The following B3GALT1 variants were observed in gnomAD, a reference collection of about 807,000 sequenced individuals.
The protein encoded by B3GALT1 is beta-1,3-galactosyltransferase 1, also known as UDP-Gal:betaGlcNAc beta 1,3-galactosyltransferase, polypeptide 1.
Under a neutral mutation model 23.2 loss-of-function variants are expected in B3GALT1, and 10 were observed. The observed-to-expected ratio is 0.43, with a 90% CI of 0.27 to 0.73. The LOEUF (loss-of-function observed/expected upper bound fraction) is 0.73, where lower values mean the gene tolerates loss of function less well. Ranked by LOEUF, B3GALT1 falls within the 30% of genes least tolerant of loss-of-function variation. The probability of loss-of-function intolerance (pLI) is 0.21; values close to 1 mark genes in which losing one functional copy is unlikely to be tolerated. For synonymous variants in B3GALT1, 156 were observed against 141.5 expected (o/e 1.10, Z -0.73); for missense variants, 299 against 405.4 (o/e 0.74, Z 2.25).
In B3GALT1 at chr2:167,718,634, C is replaced by A. The variant is rs149374571; in HGVS notation, c.-352+71668C>A. On this transcript the variant is annotated intron_variant, in intron 3 of 4. Coordinates refer to ENST00000392690, the MANE Select transcript of B3GALT1 (RefSeq NM_020981.4). ...TTATTATGTTTTATGTGACACAAGG[C>A]CTTCAAAATTGAAGACCCAAGAAAC... is the stretch of plus-strand genomic sequence containing the variant. Among the ~76,000 whole-genome samples the A allele has an allele frequency of 2.0e-3, 300 of 152,244 alleles. 2 individuals carry two copies. The highest frequency in any genetic ancestry group is 0.012 in the South Asian group (59 of 4,822).
chr2:167,500,947 G>A (rs1256815104), intron 2 of B3GALT1, among the ~76,000 whole-genome samples: 1 of 152,116 alleles, frequency 6.6e-6, no homozygotes, highest in Non-Finnish European at 1.5e-5. Context: ...CTGGGATAGT[G>A]AGACCATTAA....
chr2:167,533,335 G>T (rs1287787352), intron 2 of B3GALT1, among the ~76,000 whole-genome samples: 2 of 122,944 alleles, frequency 1.6e-5, no homozygotes, highest in African/African-American at 3.4e-5. Flanking sequence ...CTAGTTTTCT[G>T]AGAGTTTTTT....
intron 2 of B3GALT1, among the ~76,000 whole-genome samples, chr2:167,552,651 A>G (rs1368759082): frequency 6.6e-6 from 1 of 152,176 alleles, no homozygotes; most frequent in Non-Finnish European, 1.5e-5. Flanking sequence ...GTCTAACTGT[A>G]ATCAAAAAAA....
intron 3 of B3GALT1, among the ~76,000 whole-genome samples, chr2:167,811,295 C>A (rs1365833338): frequency 2.6e-5 from 4 of 152,176 alleles, no homozygotes; most frequent in Non-Finnish European, 5.9e-5. Context: ...TGAGTTCTAA[C>A]CATTTCTCTT....
At chr2:167,832,258 T>C (rs1381150944) in intron 4 of B3GALT1, among the ~76,000 whole-genome samples, 7 of 152,224 alleles carry the variant, frequency 4.6e-5, no homozygotes, top group Non-Finnish European at 7.3e-5. Flanking sequence ...CAGGCTTCAG[T>C]TTCATTATTT....
At chr2:167,740,398 A>G (rs1687561285) in intron 3 of B3GALT1, among the ~76,000 whole-genome samples, 1 of 152,136 alleles carries the variant, frequency 6.6e-6, no homozygotes, top group African/African-American at 2.4e-5. Flanking sequence ...CATCAGTGAA[A>G]CCACCTTTAA....
chr2:167,837,462 C>A (rs1286718346), intron 4 of B3GALT1, among the ~76,000 whole-genome samples: 14 of 149,946 alleles, frequency 9.3e-5, no homozygotes, highest in Non-Finnish European at 1.6e-4. Context: ...GGATCAATTC[C>A]ACAAGAAGAG....
chr2:167,681,470 C>G (rs929415952), intron 3 of B3GALT1, among the ~76,000 whole-genome samples: 2 of 152,148 alleles, frequency 1.3e-5, no homozygotes, highest in Non-Finnish European at 2.9e-5. Context: ...CAGGGAATCT[C>G]AGACTCAAAC....
At chr2:167,500,570 G>A (rs1699836294) in intron 2 of B3GALT1, among the ~76,000 whole-genome samples, 1 of 150,920 alleles carries the variant, frequency 6.6e-6, no homozygotes, top group Admixed American at 6.6e-5. Context: ...CTTCCCTAGA[G>A]TAACCGCAGA....
chr2:167,491,684 G>A (rs538956730), intron 2 of B3GALT1, among the ~76,000 whole-genome samples: 34 of 151,868 alleles, frequency 2.2e-4, no homozygotes, highest in African/African-American at 7.2e-4. Flanking sequence ...GCGTGGTGGC[G>A]GGTGTCTGTG....
At chr2:167,810,362 C>T (rs1416576011) in intron 3 of B3GALT1, among the ~76,000 whole-genome samples, 1 of 150,882 alleles carries the variant, frequency 6.6e-6, no homozygotes, top group East Asian at 1.9e-4. Context: ...CACCCGTCTT[C>T]TCTGTGGCTC....
chr2:167,366,028 G>A (rs1338298381), intron 1 of B3GALT1, among the ~76,000 whole-genome samples: 1 of 152,186 alleles, frequency 6.6e-6, no homozygotes, highest in Non-Finnish European at 1.5e-5. Flanking sequence ...AGAATTGCTT[G>A]CAGAGAACAG....
chr2:167,647,749 A>G (rs1363785518), intron 3 of B3GALT1, among the ~76,000 whole-genome samples: 1 of 152,012 alleles, frequency 6.6e-6, no homozygotes, highest in East Asian at 1.9e-4. Context: ...ATTTTTTTAT[A>G]GAGTTTCTGC....
chr2:167,864,654 T>C (rs1268607864), intron 4 of B3GALT1, among the ~76,000 whole-genome samples: 1 of 152,196 alleles, frequency 6.6e-6, no homozygotes, highest in Non-Finnish European at 1.5e-5. Context: ...ATCCAAGATA[T>C]TGCCTATGTC....
At chr2:167,590,329 G>C (rs1011669425) in intron 2 of B3GALT1, among the ~76,000 whole-genome samples, 3 of 121,936 alleles carry the variant, frequency 2.5e-5, no homozygotes. Context: ...CTGGGCGACA[G>C]AGCAAGACTC....
At chr2:167,432,234 A>T (rs1158591275) in intron 1 of B3GALT1, among the ~76,000 whole-genome samples, 2 of 152,112 alleles carry the variant, frequency 1.3e-5, no homozygotes, top group Non-Finnish European at 2.9e-5. Flanking sequence ...TTGGCTGAAC[A>T]CTCTAGTGAC....
At chr2:167,787,285 G>T (rs941672383) in intron 3 of B3GALT1, among the ~76,000 whole-genome samples, 4 of 152,160 alleles carry the variant, frequency 2.6e-5, no homozygotes, top group African/African-American at 9.7e-5. Flanking sequence ...TTGTAGGGCT[G>T]CTGTGAGGTT....
At chr2:167,488,325 T>C (rs1316555711) in intron 1 of B3GALT1, among the ~76,000 whole-genome samples, 1 of 152,236 alleles carries the variant, frequency 6.6e-6, no homozygotes, top group Non-Finnish European at 1.5e-5. Context: ...TCTTTGTTTT[T>C]GTCTACTTTA....
chr2:167,582,646 G>A (rs1289561083), intron 2 of B3GALT1, among the ~76,000 whole-genome samples: 1 of 152,000 alleles, frequency 6.6e-6, no homozygotes, highest in Non-Finnish European at 1.5e-5. Context: ...TTTGGTGATG[G>A]GGCACGGCTT....
Sources: gnomAD v4.1 joint callset for allele counts (sites outside exome capture counted in the v4.1 genomes callset) on GRCh38, gnomAD v4.1.1 for gene constraint, MANE v1.5 for transcripts, NCBI Gene and HGNC (gene_info 2026-07-23, HGNC 2026-07-21) for gene names.